Variants in MEIG1 observed in about 807,000 individuals in gnomAD.
MEIG1 encodes the protein meiosis expressed gene 1 protein homolog.
MEIG1 carries 12 observed loss-of-function variants against 11.3 expected under a neutral mutation model. The observed-to-expected ratio is 1.07, with a 90% CI of 0.68 to 1.73. The LOEUF is 1.73. Ranked by LOEUF, MEIG1 falls within the 40% of genes most tolerant of loss-of-function variation. The probability of loss-of-function intolerance (pLI) is 0.00; values close to 1 mark genes in which losing one functional copy is unlikely to be tolerated. For synonymous variants in MEIG1, 41 were observed against 33.2 expected (o/e 1.24, Z -0.81); for missense variants, 119 against 104.9 (o/e 1.13, Z -0.59).
chr10:14,957,188 C>T (rs572503564), upstream of MEIG1, among the ~76,000 whole-genome samples: 1 of 152,352 alleles, frequency 6.6e-6, no homozygotes, highest in Admixed American at 6.5e-5. Flanking sequence ...TTCATCCTCA[C>T]ATCCTACCTG....
Position 14,980,163 on chromosome 10 carries a change from AG to A in MEIG1, n.67-6628del, listed in dbSNP as rs1843249856. ...AAGGGGATGTTACGCCTATTGTCAC[AG>A]GGGGTGTGGTTTCTGTGCTATAATT... On this transcript the variant is annotated intron_variant and non_coding_transcript_variant, in intron 1 of 2. Coordinates refer to the MEIG1 transcript ENST00000467536. Among the ~76,000 whole-genome samples, 3 of 152,166 alleles carry A rather than the reference AG, an allele frequency of 2.0e-5. No individual in the cohort carries two copies. The South Asian group carries it at 6.2e-4, about 32-fold the overall frequency.
chr10:14,962,814 G>T (rs1176952020), intron 1 of MEIG1, among the ~76,000 whole-genome samples: 1 of 151,730 alleles, frequency 6.6e-6, no homozygotes. Flanking sequence ...ACCCAGGCTG[G>T]AGTGCAGTGG....
At chr10:14,979,188 G>C (rs552425453) in intron 1 of MEIG1, among the ~76,000 whole-genome samples, 1 of 151,730 alleles carries the variant, frequency 6.6e-6, no homozygotes, top group East Asian at 1.9e-4. Context: ...TATCACAAAG[G>C]TTGTACACGC....
chr10:14,962,284 T>C (rs1843023431), intron 1 of MEIG1, among the ~76,000 whole-genome samples: 1 of 152,156 alleles, frequency 6.6e-6, no homozygotes, highest in African/African-American at 2.4e-5. Context: ...TTTGTGTTTT[T>C]AATAAACTGA....
chr10:14,961,522 G>T (rs549136493), intron 1 of MEIG1, among the ~76,000 whole-genome samples: 110 of 151,974 alleles, frequency 7.2e-4, no homozygotes, highest in South Asian at 1.9e-3. Flanking sequence ...CCAGGCTGGA[G>T]TGCAGTGGTG....
At chr10:14,960,165 A>G (rs1842995877) in intron 1 of MEIG1, among the ~76,000 whole-genome samples, 2 of 152,200 alleles carry the variant, frequency 1.3e-5, no homozygotes, top group Admixed American at 1.3e-4. Flanking sequence ...AGGCGTGTTC[A>G]TGGCCTTGCC....
chr10:14,980,293 T>G (rs1362810064), intron 1 of MEIG1, among the ~76,000 whole-genome samples: 1 of 152,102 alleles, frequency 6.6e-6, no homozygotes, highest in Non-Finnish European at 1.5e-5. Flanking sequence ...GTCACAGCGG[T>G]GTATATCCTG....
chr10:14,983,468 C>T (rs111393594), intron 1 of MEIG1, among the ~76,000 whole-genome samples: 6 of 151,804 alleles, frequency 4.0e-5, no homozygotes, highest in Non-Finnish European at 5.9e-5. Flanking sequence ...GAGGTGTACA[C>T]CCATCCTGGG....
downstream of MEIG1, among the ~76,000 whole-genome samples, chr10:14,977,017 G>C (rs1696558852): frequency 6.6e-6 from 1 of 151,952 alleles, no homozygotes; most frequent in Non-Finnish European, 1.5e-5. Context: ...ATGTCACACG[G>C]GGTGTACTCC....
At chr10:14,986,417 C>G (rs1053336648) in intron 1 of MEIG1, among the ~76,000 whole-genome samples, 1 of 152,140 alleles carries the variant, frequency 6.6e-6, no homozygotes, top group African/African-American at 2.4e-5. Flanking sequence ...AGTTTCTTAC[C>G]AAACCATCTG....
In MEIG1 at chr10:14,959,514, C is replaced by T. The variant is rs1487367828; in HGVS notation, c.-73C>T. The T allele has an allele frequency of 6.6e-6, 1 of 152,478 alleles. No individual in the cohort carries two copies. Among genetic ancestry groups the T allele is most frequent in the Non-Finnish European group, 1.5e-5 (1 of 68,232 alleles). 9.4% of individuals were successfully genotyped at this position (152,478 alleles called of 1,614,324 possible). Reference sequence around the variant, plus strand: ...AGCTCCCGGGCGCCCCCGGCCTCTCCTGCTCGGCGGAACGAGGATAACCCA... The same window carrying T: ...AGCTCCCGGGCGCCCCCGGCCTCTCTTGCTCGGCGGAACGAGGATAACCCA... On this transcript the variant is annotated 5_prime_UTR_variant, in exon 1 of 3. Transcript: ENST00000407572.
At chr10:14,968,940 T>C (rs1415198043) in intron 2 of MEIG1, among the ~76,000 whole-genome samples, 1 of 152,028 alleles carries the variant, frequency 6.6e-6, no homozygotes, top group African/African-American at 2.4e-5. Context: ...TTGCCAGGCA[T>C]GGTGGCACAT....
At chr10:14,980,497 T>G (rs1264655726) in intron 1 of MEIG1, among the ~76,000 whole-genome samples, 2 of 152,198 alleles carry the variant, frequency 1.3e-5, no homozygotes, top group Non-Finnish European at 2.9e-5. Context: ...CACCTTGTAA[T>G]CTTATTCAGA....
upstream of MEIG1, among the ~76,000 whole-genome samples, chr10:14,958,294 T>C (rs1201481626): frequency 2.6e-5 from 4 of 152,242 alleles, no homozygotes; most frequent in Non-Finnish European, 4.4e-5. Context: ...TTGGGAGTTG[T>C]AAGTAAATAG....
chr10:14,983,346 GA>G (rs1162935368), intron 1 of MEIG1, among the ~76,000 whole-genome samples: 1 of 152,038 alleles, frequency 6.6e-6, no homozygotes, highest in Non-Finnish European at 1.5e-5. Context: ...CTAATATCCA[GA>G]GGGGGAGAGG....
At chr10:14,974,715 G>A (rs1843192354), downstream of MEIG1, among the ~76,000 whole-genome samples, 1 of 151,872 alleles carries the variant, frequency 6.6e-6, no homozygotes, top group South Asian at 2.1e-4. Context: ...TTATACTCAC[G>A]ATAACAATAA....
chr10:14,980,252 C>T (rs1386374111), intron 1 of MEIG1, among the ~76,000 whole-genome samples: 1 of 151,916 alleles, frequency 6.6e-6, no homozygotes, highest in African/African-American at 2.4e-5. Context: ...TTATATTATT[C>T]GTAATATCCT....
downstream of MEIG1, among the ~76,000 whole-genome samples, chr10:14,974,046 T>G (rs1843181432): frequency 1.3e-5 from 2 of 152,170 alleles, no homozygotes. Context: ...GACTTTCTTC[T>G]TTTTCCCTGA....
At position 14,987,136 on chromosome 10, in the gene MEIG1, T is replaced by C. The variant is rs111446356; in HGVS notation, n.285+122T>C. 1.1e-3 allele frequency: 903 copies of C among 853,182 alleles called. 6 individuals are homozygous for C. The African/African-American group carries it at 0.014, about 13-fold the overall frequency. The allele number at this position is 853,182 out of a possible 1,614,324, so 52.9% of individuals were successfully genotyped here. On this transcript the variant is annotated intron_variant and non_coding_transcript_variant, in intron 2 of 2. Transcript: ENST00000467536. ...AAAAAAGGACCAAGAAAGACATCTG[T>C]GTCAGGCAGCCCGCATGAGAGATGA...
Sources: gnomAD v4.1 joint callset for allele counts (sites outside exome capture counted in the v4.1 genomes callset) on GRCh38, gnomAD v4.1.1 for gene constraint, MANE v1.5 for transcripts, NCBI Gene and HGNC (gene_info 2026-07-23, HGNC 2026-07-21) for gene names.